The following GRIK1 variants were observed in gnomAD, a reference collection of about 807,000 sequenced individuals.
GRIK1 encodes the protein glutamate ionotropic receptor kainate type subunit 1, also known as glutamate receptor ionotropic, kainate 1.
A neutral mutation model predicts 105.7 loss-of-function variants in GRIK1; 69 were observed. That is an observed-to-expected ratio of 0.65 (90% CI 0.54 to 0.80). GRIK1 has a LOEUF of 0.80. GRIK1 is among the 30% of genes least tolerant of loss of function. The probability of loss-of-function intolerance (pLI) is 0.00; values close to 1 mark genes in which losing one functional copy is unlikely to be tolerated. For synonymous variants in GRIK1, 438 were observed against 431.3 expected, an observed-to-expected ratio of 1.02 and a Z score of -0.19; for missense variants, 1,109 against 1,167.3, an observed-to-expected ratio of 0.95 and a Z score of 0.73.
At chr21:29,613,222 C>A (rs946751711) in intron 7 of GRIK1, among the ~76,000 whole-genome samples, 1 of 152,180 alleles carries the variant, frequency 6.6e-6, no homozygotes, top group Admixed American at 6.5e-5. Flanking sequence ...CTTACAGATA[C>A]GTGATTACTC....
chr21:29,582,355 A>G, intron 12 of GRIK1: 1 of 470,540 alleles, frequency 2.1e-6, no homozygotes, highest in South Asian at 1.6e-5. Flanking sequence ...TGGTTCGGTA[A>G]GTGGTATGTT....
In GRIK1 at chr21:29,561,697, C is replaced by A. The variant is rs765904533; in HGVS notation, c.2283G>T (p.Thr761=). 1.2e-6 allele frequency: 2 copies of A among 1,614,090 alleles called. No individual in the cohort carries two copies. Among genetic ancestry groups the A allele is most frequent in the Non-Finnish European group, 1.7e-6 (2 of 1,179,952 alleles). ...TCTGAGTGAGGTTGCAGTTTCTCTG[C>A]GTCACATACTCAATGCTGGTGGACT... ...LMESTSIEYV[T]QRNCNLTQIG... The change falls in exon 15 of 18, where the codon ACG becomes ACT. Residue 761 remains threonine, a synonymous_variant. Transcript: ENST00000327783.
intron 1 of GRIK1, among the ~76,000 whole-genome samples, chr21:29,743,800 A>T (rs2064986042): frequency 2.0e-5 from 3 of 152,240 alleles, no homozygotes; most frequent in Admixed American, 2.0e-4. Flanking sequence ...AATTAATATA[A>T]TTACCTCAAA....
chr21:29,544,807 C>T (rs2090025114), intron 16 of GRIK1, among the ~76,000 whole-genome samples: 1 of 152,188 alleles, frequency 6.6e-6, no homozygotes, highest in Non-Finnish European at 1.5e-5. Flanking sequence ...AAAGGGTTGT[C>T]TCGTAGCTGC....
At chr21:29,565,470 T>C (rs1045203228) in intron 14 of GRIK1, among the ~76,000 whole-genome samples, 2 of 152,262 alleles carry the variant, frequency 1.3e-5, no homozygotes, top group Non-Finnish European at 2.9e-5. Context: ...TTCACTCTTG[T>C]TCCCCAGGTT....
chr21:29,758,249 C>A (rs74712585), intron 1 of GRIK1, among the ~76,000 whole-genome samples: 1 of 152,120 alleles, frequency 6.6e-6, no homozygotes, highest in South Asian at 2.1e-4. Flanking sequence ...TCTGTTCTCG[C>A]GCTGTTAATA....
Position 29,870,902 on chromosome 21 carries a change from G to T in GRIK1, c.118+68481C>A, listed in dbSNP as rs137962609. Among the ~76,000 whole-genome samples the T allele has an allele frequency of 4.2e-3, 639 of 152,128 alleles. 3 individuals are homozygous for T. The highest frequency in any genetic ancestry group is 0.014 in the African/African-American group (579 of 41,498). ...GACGTAAACTTTTGGGTACCTGGCT[G>T]ATCTAGTTTACCGGCTTACCTCCTG... On this transcript the variant is annotated intron_variant, in intron 1 of 17. Coordinates refer to ENST00000327783, the MANE Select transcript of GRIK1 (RefSeq NM_001330994.2).
intron 1 of GRIK1, among the ~76,000 whole-genome samples, chr21:29,745,919 C>A (rs1208969767): frequency 6.6e-6 from 1 of 152,078 alleles, no homozygotes; most frequent in African/African-American, 2.4e-5. Context: ...CTGGCTAACA[C>A]AGTGAAACCC....
At chr21:29,709,762 T>A (rs2064001465) in intron 1 of GRIK1, among the ~76,000 whole-genome samples, 3 of 151,836 alleles carry the variant, frequency 2.0e-5, no homozygotes. Context: ...CTTTTATAAT[T>A]TTTTTTGTTA....
Position 29,888,197 on chromosome 21 carries a change from C to CTTTCTTTCTTTCTTTCTTTCTT in GRIK1, c.118+51185_118+51186insAAGAAAGAAAGAAAGAAAGAAA, listed in dbSNP as rs59241719. On this transcript the variant is annotated intron_variant, in intron 1 of 17. Transcript: ENST00000327783. Reference sequence around the variant, plus strand: ...TCTTTCTTTCTTCCTTTCTTTCTTTCTCTCTCTCTCTCTCTCTCTCTCTCT... The same window carrying CTTTCTTTCTTTCTTTCTTTCTT: ...TCTTTCTTTCTTCCTTTCTTTCTTTCTTTCTTTCTTTCTTTCTTTCTTTCTCTCTCTCTCTCTCTCTCTCTCT... 3.0e-3 allele frequency among the ~76,000 whole-genome samples: 66 copies of CTTTCTTTCTTTCTTTCTTTCTT among 22,308 alleles called. 5 individuals carry two copies. Among genetic ancestry groups the CTTTCTTTCTTTCTTTCTTTCTT allele is most frequent in the Non-Finnish European group, 6.1e-3 (46 of 7,590 alleles). The allele number at this position is 22,308 out of a possible 152,430, so 14.6% of individuals were successfully genotyped here.
At chr21:29,913,672 A>AATATATATATATATATATATAT (rs60924907) in intron 1 of GRIK1, among the ~76,000 whole-genome samples, 15 of 144,578 alleles carry the variant, frequency 1.0e-4, no homozygotes, top group African/African-American at 3.8e-4. Flanking sequence ...AGAAACACTA[A>AATATATATATATATATATATAT]ATATATATAT....
intron 16 of GRIK1, among the ~76,000 whole-genome samples, chr21:29,548,053 A>C (rs1477424494): frequency 6.6e-6 from 1 of 152,238 alleles, no homozygotes; most frequent in East Asian, 1.9e-4. Flanking sequence ...AAAACTGGGG[A>C]GAAAGACAAT....
In GRIK1 at chr21:29,537,215, AG is replaced by A; in HGVS notation, c.*14del. ...GGGAATGCATCCTTTTTCTTCCTAC[AG>A]GCGTTTCCTTGGATCACGCCACAGT... On this transcript the variant is annotated 3_prime_UTR_variant, in exon 18 of 18. Coordinates refer to ENST00000327783, the MANE Select transcript of GRIK1 (RefSeq NM_001330994.2). 6.4e-7 allele frequency: 1 copy of A among 1,566,324 alleles called. No individual in the cohort carries two copies. The highest frequency in any genetic ancestry group is 8.6e-7 in the Non-Finnish European group (1 of 1,160,822).
intron 4 of GRIK1, among the ~76,000 whole-genome samples, chr21:29,656,600 G>C (rs2062859462): frequency 6.6e-6 from 1 of 152,008 alleles, no homozygotes; most frequent in South Asian, 2.1e-4. Context: ...ACTGCTCTAT[G>C]GAAAACATGT....
At chr21:29,754,733 T>C (rs555991631) in intron 1 of GRIK1, among the ~76,000 whole-genome samples, 12 of 152,188 alleles carry the variant, frequency 7.9e-5, no homozygotes, top group African/African-American at 2.2e-4. Context: ...AAGCAGATTA[T>C]TTTCCATAAT....
chr21:29,747,309 T>C (rs2065070836), intron 1 of GRIK1, among the ~76,000 whole-genome samples: 1 of 152,214 alleles, frequency 6.6e-6, no homozygotes, highest in African/African-American at 2.4e-5. Flanking sequence ...TGCATGGTCC[T>C]GGCTAGGGAG....
At position 29,555,216 on chromosome 21, in the gene GRIK1, G is replaced by A. The variant is rs1381692538; in HGVS notation, c.2443C>T (p.Arg815Cys). 3.1e-6 allele frequency: 5 copies of A among 1,613,600 alleles called. No individual in the cohort carries two copies. The highest frequency in any genetic ancestry group is 1.6e-4 in the Middle Eastern group (1 of 6,082). Residue 815 changes from arginine (R) to cysteine (C), a missense_variant, in exon 16 of 18, where the codon CGT becomes TGT. Physicochemically the swap from Arg to Cys is radical, Grantham distance 180. This residue lies in a region of GRIK1 where 18 missense variants were observed against 42.8 expected (regional missense o/e 0.42). Coordinates refer to ENST00000327783, the MANE Select transcript of GRIK1 (RefSeq NM_001330994.2). ...KLHMMKEKWW[R>C]GNGCPEEDNK... is the part of the protein sequence containing the mutation. ...TCTTCCTCGGGGCAGCCATTCCCAC[G>A]CCACCACTTCTCTTTCATCATATGC...
chr21:29,791,514 G>A (rs572733623), intron 1 of GRIK1, among the ~76,000 whole-genome samples: 7 of 152,070 alleles, frequency 4.6e-5, no homozygotes, highest in Non-Finnish European at 8.8e-5. Flanking sequence ...GGAAGTGGGG[G>A]GGGAATTTAA....
chr21:29,601,316 A>G (rs2061514588), intron 7 of GRIK1: 1 of 434,896 alleles, frequency 2.3e-6, no homozygotes, highest in Non-Finnish European at 4.9e-6. Context: ...CTCAGACTAG[A>G]CTTACACCAG....
Sources: gnomAD v4.1 joint callset for allele counts (sites outside exome capture counted in the v4.1 genomes callset) on GRCh38, gnomAD v4.1.1 for gene constraint, gnomAD v4.1.1 regional missense constraint, MANE v1.5 for transcripts, NCBI Gene and HGNC (gene_info 2026-07-23, HGNC 2026-07-21) for gene names.